TEKT1: variants seen among roughly 807,000 people sequenced by gnomAD.
TEKT1 encodes the protein tektin 1.
Under a neutral mutation model 34.8 loss-of-function variants are expected in TEKT1, and 32 were observed. The observed-to-expected ratio is 0.92, with a 90% confidence interval of 0.69 to 1.23. TEKT1 has a LOEUF of 1.23. TEKT1 is among the 50% of genes most tolerant of loss of function. The pLI is 0.00. For missense variants in TEKT1, 492 were observed against 518.5 expected (o/e 0.95, Z 0.50); for synonymous variants, 207 against 199.8 (o/e 1.04, Z -0.30).
At chr17:6,813,115 G>T in intron 5 of TEKT1, 62 bp from the exon 6 acceptor site, 1 of 1,432,824 alleles carries the variant, frequency 7.0e-7, no homozygotes, top group Non-Finnish European at 9.6e-7. Context: ...GGTTGGGAGA[G>T]AGGGACGAGC....
At position 6,800,010 on chromosome 17, in the gene TEKT1, T is replaced by C; in HGVS notation, c.*17A>G. 2 of 1,596,224 alleles carry C rather than the reference T, an allele frequency of 1.3e-6. No individual in the cohort carries two copies. Among genetic ancestry groups the C allele is most frequent in the Non-Finnish European group, 1.7e-6 (2 of 1,176,870 alleles). On this transcript the variant is annotated 3_prime_UTR_variant, in exon 8 of 8. Transcript: ENST00000338694. Reference sequence around the variant, plus strand: ...GTTTACAATGTGGTTTAATGAGAATTGGAACTAGCCCTACTATTAGCAGAC... The same window carrying C: ...GTTTACAATGTGGTTTAATGAGAATCGGAACTAGCCCTACTATTAGCAGAC...
chr17:6,800,105 C>T lies in TEKT1; in HGVS notation c.1179G>A (p.Met393Ile). 6.2e-7 allele frequency: 1 copy of T among 1,614,008 alleles called. No homozygotes were observed. The highest frequency in any genetic ancestry group is 1.3e-5 in the African/African-American group (1 of 75,074). Reference sequence around the variant, plus strand: ...CATCCCGAAGTGGGATGGATTTCCTCATCTGCATACACAGCACTTCGTCGA... The same window carrying T: ...CATCCCGAAGTGGGATGGATTTCCTTATCTGCATACACAGCACTTCGTCGA... ...IYIDEVLCMQ[M>I]RKSIPLRDGE... is the part of the protein sequence containing the mutation. Residue 393 changes from methionine to isoleucine, a missense_variant, in exon 8 of 8, where the codon ATG (methionine) becomes ATA (isoleucine). By Grantham distance (10) the Met-to-Ile change is conservative. Coordinates refer to ENST00000338694, the MANE Select transcript of TEKT1 (RefSeq NM_053285.2).
At chr17:6,816,347 T>C (rs117349613) in intron 3 of TEKT1, among the ~76,000 whole-genome samples, 12,359 of 152,206 alleles carry the variant, frequency 0.081, 629 homozygotes, top group Middle Eastern at 0.19. Context: ...TCATCATTTA[T>C]ATTATGTATT....
intron 1 of TEKT1, 87 bp from the exon 2 acceptor site, chr17:6,830,480 G>T: frequency 1.1e-6 from 1 of 909,818 alleles, no homozygotes. Context: ...CATATATACG[G>T]AAAATTGCAT....
At chr17:6,809,071 C>A (rs951425146) in intron 6 of TEKT1, among the ~76,000 whole-genome samples, 6 of 152,066 alleles carry the variant, frequency 3.9e-5, no homozygotes, top group Non-Finnish European at 8.8e-5. Flanking sequence ...TATGCTTTCT[C>A]CCCCCATCCA....
intron 3 of TEKT1, among the ~76,000 whole-genome samples, chr17:6,817,246 A>G (rs1597790986): frequency 6.6e-6 from 1 of 151,928 alleles, no homozygotes; most frequent in Admixed American, 6.6e-5. Context: ...GTGGTGGTGC[A>G]TGCCTGTAAT....
intron 2 of TEKT1, among the ~76,000 whole-genome samples, chr17:6,826,901 T>A (rs1904421752): frequency 6.6e-6 from 1 of 152,082 alleles, no homozygotes; most frequent in Non-Finnish European, 1.5e-5. Flanking sequence ...TTCACCATGC[T>A]AGCCAGGATG....
chr17:6,823,034 G>A (rs1287525044), intron 2 of TEKT1, among the ~76,000 whole-genome samples: 1 of 152,182 alleles, frequency 6.6e-6, no homozygotes, highest in African/African-American at 2.4e-5. Context: ...TCCTGTCTGA[G>A]GGTAGAAGCC....
At position 6,818,740 on chromosome 17, in the gene TEKT1, G is replaced by A. The variant is rs756359421; in HGVS notation, c.356+453C>T. On this transcript the variant is annotated intron_variant, in intron 3 of 7. Transcript: ENST00000338694. ...TACTTGCTGGAATGTAGACATAATGGCTGGAGCTCCAGCTGCCAACTTAAA... is the reference window on the plus strand; with the variant it reads ...TACTTGCTGGAATGTAGACATAATGACTGGAGCTCCAGCTGCCAACTTAAA... 2.6e-5 allele frequency among the ~76,000 whole-genome samples: 4 copies of A among 152,186 alleles called. No individual in the cohort carries two copies. The South Asian group carries it at 8.3e-4, about 32-fold the overall frequency.
At chr17:6,830,051 A>C (rs1904527279) in intron 2 of TEKT1, 136 bp downstream of exon 2, 1 of 897,378 alleles carries the variant, frequency 1.1e-6, no homozygotes, top group African/African-American at 1.7e-5. Context: ...GAACTTAAAC[A>C]TAGAACCTGG....
At chr17:6,830,434 T>G (rs1904545641) in intron 1 of TEKT1, 41 bp from the exon 2 acceptor site, 1 of 1,341,498 alleles carries the variant, frequency 7.5e-7, no homozygotes, top group Non-Finnish European at 1.0e-6. Context: ...TGAAAGCAAT[T>G]TGTCCTTTTT....
intron 6 of TEKT1, among the ~76,000 whole-genome samples, chr17:6,810,548 C>T (rs1014235636): frequency 6.6e-6 from 1 of 152,074 alleles, no homozygotes; most frequent in African/African-American, 2.4e-5. Flanking sequence ...TGTATTGAAA[C>T]ACAGCCATGC....
chr17:6,810,832 A>G (rs1469774047), intron 6 of TEKT1, among the ~76,000 whole-genome samples: 3 of 152,106 alleles, frequency 2.0e-5, no homozygotes, highest in Non-Finnish European at 4.4e-5. Flanking sequence ...TCTGTCTCCC[A>G]GGTTCAAGCG....
chr17:6,806,795 C>A (rs1045526705), intron 6 of TEKT1, among the ~76,000 whole-genome samples: 3 of 152,116 alleles, frequency 2.0e-5, no homozygotes, highest in Non-Finnish European at 4.4e-5. Flanking sequence ...GAATATCGGC[C>A]CCCACTCTCT....
intron 4 of TEKT1, among the ~76,000 whole-genome samples, chr17:6,815,613 G>A (rs1976994592): frequency 6.6e-6 from 1 of 152,158 alleles, no homozygotes; most frequent in South Asian, 2.1e-4. Flanking sequence ...TTATAACCAG[G>A]GTGAAATCCA....
chr17:6,818,713 C>T (rs1977042984), intron 3 of TEKT1, among the ~76,000 whole-genome samples: 1 of 152,114 alleles, frequency 6.6e-6, no homozygotes. Flanking sequence ...CCCACTTACT[C>T]CTACTTGCTG....
intron 2 of TEKT1, among the ~76,000 whole-genome samples, chr17:6,827,217 A>G (rs1904433463): frequency 6.6e-6 from 1 of 151,610 alleles, no homozygotes; most frequent in Non-Finnish European, 1.5e-5. Flanking sequence ...CCTACGGTAG[A>G]AGTCTTCCAA....
intron 6 of TEKT1, among the ~76,000 whole-genome samples, chr17:6,808,974 A>T (rs1275932276): frequency 6.6e-6 from 1 of 152,184 alleles, no homozygotes; most frequent in Non-Finnish European, 1.5e-5. Context: ...CAGACTGTGA[A>T]ATAAGATTTT....
chr17:6,799,281 T>C lies in TEKT1; in HGVS notation c.*746A>G, dbSNP rs1479178120. 1 of 152,178 alleles carries C rather than the reference T, an allele frequency of 6.6e-6. No homozygotes were observed. Among genetic ancestry groups the C allele is most frequent in the Non-Finnish European group, 1.5e-5 (1 of 68,026 alleles). The allele number at this position is 152,178 out of a possible 1,614,324, so 9.4% of individuals were successfully genotyped here. ...ACAATTTAGCAACATGAACAAAGGC[T>C]TGCAATAATTAGCAGTGAAGGAAAA... On this transcript the variant is annotated 3_prime_UTR_variant, in exon 8 of 8. Coordinates refer to ENST00000338694, the MANE Select transcript of TEKT1 (RefSeq NM_053285.2).
Sources: allele counts gnomAD v4.1 joint callset (sites outside exome capture counted in the v4.1 genomes callset), GRCh38; gene constraint gnomAD v4.1.1; transcripts MANE v1.5; gene names NCBI Gene and HGNC (gene_info 2026-07-23, HGNC 2026-07-21).